The following UPF2 variants were observed in gnomAD, a reference collection of about 807,000 sequenced individuals.
UPF2 encodes regulator of nonsense transcripts 2.
Under a neutral mutation model 141.4 loss-of-function variants are expected in UPF2, and 17 were observed. The ratio of observed to expected loss-of-function variants is 0.12; its 90% CI spans 0.08 to 0.18. The LOEUF is 0.18. Ranked by LOEUF, UPF2 falls within the 10% of genes least tolerant of loss-of-function variation. The probability of loss-of-function intolerance (pLI) is 1.00; values close to 1 mark genes in which losing one functional copy is unlikely to be tolerated. For missense variants in UPF2, 1,152 were observed against 1,515.9 expected, an observed-to-expected ratio of 0.76 and a Z score of 3.99; for synonymous variants, 540 against 498.0, an observed-to-expected ratio of 1.08 and a Z score of -1.12.
intron 3 of UPF2, among the ~76,000 whole-genome samples, chr10:12,025,863 T>C (rs1367511754): frequency 6.6e-6 from 1 of 152,300 alleles, no homozygotes; most frequent in African/African-American, 2.4e-5. Flanking sequence ...GGTGCGATCA[T>C]GGCTTACTGC....
intron 9 of UPF2, among the ~76,000 whole-genome samples, chr10:11,970,039 T>G (rs1266917240): frequency 6.6e-6 from 1 of 152,212 alleles, no homozygotes; most frequent in Non-Finnish European, 1.5e-5. Flanking sequence ...TGCAGTGACG[T>G]GAAAGAGCAA....
rs534317213 is a variant in UPF2, at chr10:11,920,865, C to T, written c.*433G>A. The T allele has an allele frequency of 3.0e-4, 115 of 382,712 alleles. 1 individual carries two copies. Among genetic ancestry groups the T allele is most frequent in the South Asian group, 1.7e-3 (88 of 51,444 alleles). 23.7% of individuals were successfully genotyped at this position (382,712 alleles called of 1,614,324 possible). A position where few individuals can be genotyped will look rare whatever the true frequency, so the allele number is the denominator to read the frequency against. ...AGCCCCCAAATGTATCTTCTTCCAA[C>T]GTGGGATGTTCAATTCAGAGACACT... On this transcript the variant is annotated 3_prime_UTR_variant, in exon 22 of 22. Transcript: ENST00000357604.
At position 11,921,328 on chromosome 10, in the gene UPF2, A is replaced by G. The variant is rs1335926448; in HGVS notation, c.3810-21T>C. 4 of 1,614,170 alleles carry G rather than the reference A, an allele frequency of 2.5e-6. No individual in the cohort carries two copies. The East Asian group carries it at 8.9e-5, about 36-fold the overall frequency. On this transcript the variant is annotated intron_variant, in intron 21 of 21. Transcript: ENST00000357604. The surrounding 1 kb of genome is among the most constrained non-coding windows in gnomAD (Gnocchi z 5.9). Reference sequence around the variant, plus strand: ...GTCTCCTAAAGGAACAAACAGGGTCACATCAGAGAGCTTACTGCCACAGGA... The same window carrying G: ...GTCTCCTAAAGGAACAAACAGGGTCGCATCAGAGAGCTTACTGCCACAGGA...
chr10:11,982,111 T>C (rs774634765), intron 8 of UPF2, among the ~76,000 whole-genome samples: 1 of 152,176 alleles, frequency 6.6e-6, no homozygotes, highest in African/African-American at 2.4e-5. Flanking sequence ...GAGATTAAAT[T>C]TACAAATTTT....
At chr10:12,023,732 T>G (rs1489935341) in intron 3 of UPF2, among the ~76,000 whole-genome samples, 2 of 149,552 alleles carry the variant, frequency 1.3e-5, no homozygotes, top group Non-Finnish European at 3.0e-5. Flanking sequence ...GGCTCATGCC[T>G]GTAATCCCAG....
chr10:11,938,005 C>T (rs1832875529), intron 18 of UPF2, among the ~76,000 whole-genome samples: 1 of 152,156 alleles, frequency 6.6e-6, no homozygotes, highest in Non-Finnish European at 1.5e-5. Flanking sequence ...TATGTCCATA[C>T]TAACTCCTCC....
chr10:11,941,174 T>G (rs999565436), intron 18 of UPF2, among the ~76,000 whole-genome samples: 1 of 152,222 alleles, frequency 6.6e-6, no homozygotes, highest in African/African-American at 2.4e-5. Context: ...TGCACACTGT[T>G]AAGCACACAA....
chr10:11,929,901 G>A lies in UPF2; in HGVS notation c.3773C>T (p.Ala1258Val). The change falls in exon 21 of 22, where the codon GCA becomes GTA. Residue 1258 changes from alanine (A) to valine (V), a missense_variant. Around this residue, in one of 4 missense-constraint regions of UPF2, gnomAD observed 66 missense variants for 123.5 expected, o/e 0.53. Coordinates refer to ENST00000357604, the MANE Select transcript of UPF2 (RefSeq NM_015542.4). ...CTTAAAGATTAGATCTGCATTAGGTGCTCCCTTCGGATGTTGGTAGCGAGG... is the reference window on the plus strand; with the variant it reads ...CTTAAAGATTAGATCTGCATTAGGTACTCCCTTCGGATGTTGGTAGCGAGG... ...RRPRYQHPKG[A>V]PNADLIFKTG... is the part of the protein sequence containing the mutation. 6.2e-7 allele frequency: 1 copy of A among 1,614,198 alleles called. No individual in the cohort carries two copies. The highest frequency in any genetic ancestry group is 8.5e-7 in the Non-Finnish European group (1 of 1,180,032).
chr10:12,011,674 A>C (rs1834129728), intron 4 of UPF2, among the ~76,000 whole-genome samples: 1 of 151,992 alleles, frequency 6.6e-6, no homozygotes, highest in South Asian at 2.1e-4. Context: ...GACAGGGCGC[A>C]GTGGCTCACA....
chr10:11,985,225 A>T (rs80308188), intron 8 of UPF2, among the ~76,000 whole-genome samples: 1 of 152,306 alleles, frequency 6.6e-6, no homozygotes, highest in Non-Finnish European at 1.5e-5. Flanking sequence ...ACAAAATACC[A>T]CCCTGCTCTA....
chr10:11,921,128 G>A lies in UPF2; in HGVS notation c.*170C>T. The A allele has an allele frequency of 1.1e-6, 1 of 892,760 alleles. No homozygotes were observed. The highest frequency in any genetic ancestry group is 2.2e-4 in the Middle Eastern group (1 of 4,638). 55.3% of individuals were successfully genotyped at this position (892,760 alleles called of 1,614,324 possible). A position where few individuals can be genotyped will look rare whatever the true frequency, so the allele number is the denominator to read the frequency against. ...GGAAGCGTCGGCTTGTTCCGGTGTT[G>A]GCAGAGGCTGGTGTTTCTGCCTCCT... is the stretch of plus-strand genomic sequence containing the variant. On this transcript the variant is annotated 3_prime_UTR_variant, in exon 22 of 22. Coordinates refer to ENST00000357604, the MANE Select transcript of UPF2 (RefSeq NM_015542.4). This position sits in a 1 kb window ranked among gnomAD's most constrained non-coding sequence, Gnocchi z 5.9.
rs892061560 is a variant in UPF2, at chr10:12,042,350, C to A, written c.-19+405G>T. On this transcript the variant is annotated intron_variant, in intron 1 of 21. Coordinates refer to ENST00000357604, the MANE Select transcript of UPF2 (RefSeq NM_015542.4). The surrounding 1 kb of genome is among the most constrained non-coding windows in gnomAD (Gnocchi z 5.5). Reference sequence around the variant, plus strand: ...CACTCCGCAGCCTCCCACACACGCGCCCTCCCCACTTTCTCGCCCTCGCTT... The same window carrying A: ...CACTCCGCAGCCTCCCACACACGCGACCTCCCCACTTTCTCGCCCTCGCTT... Among the ~76,000 whole-genome samples, 7 of 152,146 alleles carry A rather than the reference C, an allele frequency of 4.6e-5. No homozygotes were observed. Among genetic ancestry groups the A allele is most frequent in the African/African-American group, 1.7e-4 (7 of 41,452 alleles).
chr10:11,938,868 T>TTTTTTTTTTG (rs1832897114), intron 18 of UPF2, among the ~76,000 whole-genome samples: 1 of 90,822 alleles, frequency 1.1e-5, no homozygotes, highest in African/African-American at 3.7e-5. Flanking sequence ...TTTTTTTTTT[T>TTTTTTTTTTG]TTTTTTTTTT....
intron 20 of UPF2, 26 bp from the exon 21 acceptor site, chr10:11,930,011 A>T: frequency 6.2e-7 from 1 of 1,614,042 alleles, no homozygotes; most frequent in Non-Finnish European, 8.5e-7. Context: ...AAAAAAGAGA[A>T]TGCTGTTAAC....
chr10:11,957,269 A>C (rs1411588190), intron 12 of UPF2, among the ~76,000 whole-genome samples: 5 of 151,828 alleles, frequency 3.3e-5, no homozygotes, highest in African/African-American at 4.8e-5. Flanking sequence ...TCTCTACTGA[A>C]AATACAAAAA....
In UPF2 at chr10:12,014,783, C is replaced by T. The variant is rs1834189746; in HGVS notation, c.1146-599G>A. 6.6e-6 allele frequency among the ~76,000 whole-genome samples: 1 copy of T among 152,150 alleles called. No individual in the cohort carries two copies. Among genetic ancestry groups the T allele is most frequent in the East Asian group, 1.9e-4 (1 of 5,200 alleles). ...ACAGAATCAGTTATCCTTAAACTTC[C>T]ATAATGATTTGAATCAAGATTATCT... On this transcript the variant is annotated intron_variant, in intron 3 of 21. Coordinates refer to ENST00000357604, the MANE Select transcript of UPF2 (RefSeq NM_015542.4). This position sits in a 1 kb window ranked among gnomAD's most constrained non-coding sequence, Gnocchi z 5.0.
chr10:11,949,074 C>G (rs891524279), intron 15 of UPF2, among the ~76,000 whole-genome samples: 3 of 152,214 alleles, frequency 2.0e-5, no homozygotes, highest in Non-Finnish European at 4.4e-5. Context: ...CAGCATTCTC[C>G]TCCTAAGCCT....
rs903956361 is a variant in UPF2 at position 11,999,218 on chromosome 10, G to GA, written c.1758+687dup. On this transcript the variant is annotated intron_variant, in intron 7 of 21. Coordinates refer to ENST00000357604, the MANE Select transcript of UPF2 (RefSeq NM_015542.4). ...TTGCAAATGTCAAAACAATAAAAAA[G>GA]AAAAAAAAACATCGGCCGGGTATGG... Among the ~76,000 whole-genome samples, 8 of 148,604 alleles carry GA rather than the reference G, an allele frequency of 5.4e-5. No individual in the cohort carries two copies. The East Asian group carries it at 6.1e-4, about 11-fold the overall frequency.
Position 11,956,245 on chromosome 10 carries a change from G to T in UPF2, c.2574+75C>A. 1 of 1,336,314 alleles carries T rather than the reference G, an allele frequency of 7.5e-7. No individual in the cohort carries two copies. 82.8% of individuals were successfully genotyped at this position (1,336,314 alleles called of 1,614,324 possible). On this transcript the variant is annotated intron_variant, in intron 13 of 21. Transcript: ENST00000357604. The surrounding 1 kb of genome is among the most constrained non-coding windows in gnomAD (Gnocchi z 4.2). Reference sequence around the variant, plus strand: ...AAATTTACAGATTCCTATAACTTGAGTCTCAATAGTAACCTAGAAATAATA... The same window carrying T: ...AAATTTACAGATTCCTATAACTTGATTCTCAATAGTAACCTAGAAATAATA...
Sources: allele counts gnomAD v4.1 joint callset (sites outside exome capture counted in the v4.1 genomes callset), GRCh38; gene constraint gnomAD v4.1.1; regional missense constraint gnomAD v4.1.1; non-coding constraint Gnocchi (gnomAD v3.1); transcripts MANE v1.5; gene names NCBI Gene and HGNC (gene_info 2026-07-23, HGNC 2026-07-21).